The following DIO1 variants were observed in gnomAD, a reference collection of about 807,000 sequenced individuals.
DIO1 encodes type I iodothyronine deiodinase.
A neutral mutation model predicts 25.9 loss-of-function variants in DIO1; 17 were observed. That is an observed-to-expected ratio of 0.66 (90% CI 0.45 to 0.98). The LOEUF is 0.98. Among genes scored for constraint, DIO1 ranks in the 50% least tolerant of loss-of-function variants. The probability of loss-of-function intolerance (pLI) is 0.00; values close to 1 mark genes in which losing one functional copy is unlikely to be tolerated. For missense variants in DIO1, 270 were observed against 310.4 expected (o/e 0.87, Z 0.98); for synonymous variants, 115 against 114.0 (o/e 1.01, Z -0.05).
At chr1:53,906,818 T>C (rs550616763) in intron 3 of DIO1, among the ~76,000 whole-genome samples, 1 of 152,236 alleles carries the variant, frequency 6.6e-6, no homozygotes, top group South Asian at 2.1e-4. Context: ...CACGCCCAGC[T>C]AATTTTTGTA....
chr1:53,905,868 A>G (rs1651628322), intron 2 of DIO1, among the ~76,000 whole-genome samples: 1 of 152,192 alleles, frequency 6.6e-6, no homozygotes, highest in East Asian at 1.9e-4. Flanking sequence ...TTATTGGACT[A>G]TTTCACGTTG....
rs541559216 is a variant in DIO1 at position 53,909,990 on chromosome 1, C to T, written c.741C>T (p.Leu247=). Reference sequence around the variant, plus strand: ...AAGTTCGTGCTGTTCTGGAAAAGCTCCACAGTTAATCTGGACAGATACCTC... The same window carrying T: ...AAGTTCGTGCTGTTCTGGAAAAGCTTCACAGTTAATCTGGACAGATACCTC... ...PEEVRAVLEK[L]HS is the part of the protein sequence containing the mutation. Residue 247 remains leucine, a synonymous_variant, in exon 4 of 4, where the codon CTC becomes CTT. Transcript: ENST00000361921. 2 of 1,613,918 alleles carry T rather than the reference C, an allele frequency of 1.2e-6. No individual in the cohort carries two copies. The highest frequency in any genetic ancestry group is 1.7e-6 in the Non-Finnish European group (2 of 1,179,924).
At chr1:53,905,165 A>ATTTTTTTTTTTT (rs1194459720) in intron 2 of DIO1, among the ~76,000 whole-genome samples, 1 of 119,024 alleles carries the variant, frequency 8.4e-6, no homozygotes, top group African/African-American at 3.2e-5. Context: ...CCTTATGGCT[A>ATTTTTTTTTTTT]TTTTTTTTTT....
chr1:53,894,966 C>G lies in DIO1; in HGVS notation c.337+419C>G, dbSNP rs539662952. On this transcript the variant is annotated intron_variant, in intron 1 of 3. Coordinates refer to ENST00000361921, the MANE Select transcript of DIO1 (RefSeq NM_000792.7). The surrounding 1 kb of genome is among the most constrained non-coding windows in gnomAD (Gnocchi z 4.9). ...TGCCTGCTTAACATCCTAAACTTTT[C>G]TTTATTACACCTGTCGCGGTTTGTA... is the stretch of plus-strand genomic sequence containing the variant. Among the ~76,000 whole-genome samples, 40 of 152,250 alleles carry G rather than the reference C, an allele frequency of 2.6e-4. No homozygotes were observed. Among genetic ancestry groups the G allele is most frequent in the Non-Finnish European group, 5.3e-4 (36 of 68,050 alleles).
At chr1:53,895,248 C>A (rs1406535723) in intron 1 of DIO1, among the ~76,000 whole-genome samples, 5 of 152,168 alleles carry the variant, frequency 3.3e-5, no homozygotes, top group African/African-American at 1.2e-4. Flanking sequence ...CATGATGAAA[C>A]CCCGTCTCTA....
At chr1:53,896,048 C>T (rs762523316) in intron 1 of DIO1, among the ~76,000 whole-genome samples, 21 of 152,046 alleles carry the variant, frequency 1.4e-4, no homozygotes, top group Non-Finnish European at 2.1e-4. Flanking sequence ...TACCTAAGCA[C>T]AAGTCTTATT....
rs778856030 is a variant in DIO1 at position 53,910,205 on chromosome 1, AAGCAACACTTG to A, written c.*210_*220del. ...GACAAATTGTTATTATCAGAAAATG[AAGCAACACTTG>A]AGCTGTTCAGGCCAGTTCCCTGTTG... On this transcript the variant is annotated 3_prime_UTR_variant, in exon 4 of 4. Transcript: ENST00000361921. 65 of 578,024 alleles carry A rather than the reference AAGCAACACTTG, an allele frequency of 1.1e-4. No individual in the cohort carries two copies. Among genetic ancestry groups the A allele is most frequent in the Middle Eastern group, 4.7e-4 (1 of 2,120 alleles). 35.8% of individuals were successfully genotyped at this position (578,024 alleles called of 1,614,324 possible). A position where few individuals can be genotyped will look rare whatever the true frequency, so the allele number is the denominator to read the frequency against.
At chr1:53,896,755 TA>T (rs1239320100) in intron 1 of DIO1, among the ~76,000 whole-genome samples, 7 of 152,106 alleles carry the variant, frequency 4.6e-5, no homozygotes, top group Non-Finnish European at 7.4e-5. Flanking sequence ...GGGGAGGCTA[TA>T]AAAAAATAGA....
intron 3 of DIO1, among the ~76,000 whole-genome samples, chr1:53,908,770 C>T (rs954355958): frequency 1.2e-4 from 19 of 152,062 alleles, no homozygotes; most frequent in African/African-American, 3.9e-4. Flanking sequence ...GAGCCACTGA[C>T]GGGTTTGGAG....
At chr1:53,908,793 A>G (rs1651788892) in intron 3 of DIO1, among the ~76,000 whole-genome samples, 1 of 152,126 alleles carries the variant, frequency 6.6e-6, no homozygotes, top group South Asian at 2.1e-4. Context: ...GGAAAGAGAC[A>G]TGATCGGACC....
At position 53,894,318 on chromosome 1, in the gene DIO1, A is replaced by G. The variant is rs770520053; in HGVS notation, c.108A>G (p.Arg36=). Residue 36 remains arginine, a synonymous_variant, in exon 1 of 4, where the codon AGA becomes AGG. Coordinates refer to ENST00000361921, the MANE Select transcript of DIO1 (RefSeq NM_000792.7). This position sits in a 1 kb window ranked among gnomAD's most constrained non-coding sequence, Gnocchi z 4.9. ...GKVLLILFPD[R]VKRNILAMGE... ...TGCTTCTGATATTGTTTCCAGACAG[A>G]GTCAAGCGGAACATCCTGGCCATGG... 6.2e-7 allele frequency: 1 copy of G among 1,614,214 alleles called. No homozygotes were observed. Among genetic ancestry groups the G allele is most frequent in the Non-Finnish European group, 8.5e-7 (1 of 1,180,040 alleles).
intron 1 of DIO1, among the ~76,000 whole-genome samples, chr1:53,901,108 G>C (rs1651338877): frequency 1.3e-5 from 2 of 150,060 alleles, no homozygotes; most frequent in Non-Finnish European, 3.0e-5. Context: ...GGGATTACAG[G>C]TGTGAGCTAC....
Position 53,909,917 on chromosome 1 carries a change from C to G in DIO1, c.682-14C>G, listed in dbSNP as rs371472985. The G allele has an allele frequency of 6.2e-7, 1 of 1,613,758 alleles. No homozygotes were observed. The highest frequency in any genetic ancestry group is 1.3e-5 in the African/African-American group (1 of 75,036). On this transcript the variant is annotated splice_polypyrimidine_tract_variant and intron_variant, in intron 3 of 3. Coordinates refer to ENST00000361921, the MANE Select transcript of DIO1 (RefSeq NM_000792.7). ...CCTTACAAGTTGGGAATGCCTGATT[C>G]GTTTCTCTTGCAGGGTAAATCTGGC...
rs150738102 is a variant in DIO1, at chr1:53,894,471, G to C, written c.261G>C (p.Glu87Asp). 285 of 1,614,250 alleles carry C rather than the reference G, an allele frequency of 1.8e-4. 1 individual carries two copies. In the African/African-American group the frequency reaches 3.4e-3, roughly 19 times the overall value. Residue 87 changes from glutamate to aspartate, a missense_variant, in exon 1 of 4, where the codon GAG becomes GAC. By Grantham distance (45) the Glu-to-Asp change is conservative (BLOSUM62 2). Transcript: ENST00000361921. This position sits in a 1 kb window ranked among gnomAD's most constrained non-coding sequence, Gnocchi z 4.9. ...VRWQRLEDTT[E>D]LGGLAPNCPV... Reference sequence around the variant, plus strand: ...GGCAGCGACTAGAGGACACGACTGAGCTAGGGGGTCTGGCCCCAAACTGCC... The same window carrying C: ...GGCAGCGACTAGAGGACACGACTGACCTAGGGGGTCTGGCCCCAAACTGCC...
At chr1:53,903,185 C>T (rs1424768630) in intron 1 of DIO1, 1 of 152,060 alleles carries the variant, frequency 6.6e-6, no homozygotes, top group Non-Finnish European at 1.5e-5. Flanking sequence ...CTGTCCCCAT[C>T]CCGGGCTCGC....
intron 3 of DIO1, 109 bp downstream of exon 3, chr1:53,906,403 C>T: frequency 2.1e-6 from 2 of 944,494 alleles, no homozygotes; most frequent in Non-Finnish European, 3.2e-6. Context: ...CACCACCCAG[C>T]CACTTACCAG....
At chr1:53,903,828 G>A (rs910882843) in intron 1 of DIO1, among the ~76,000 whole-genome samples, 3 of 151,888 alleles carry the variant, frequency 2.0e-5, no homozygotes, top group African/African-American at 7.3e-5. Context: ...CAGCCTGGGT[G>A]AGACTCCATC....
intron 3 of DIO1, among the ~76,000 whole-genome samples, chr1:53,909,516 A>C (rs1651831745): frequency 6.6e-6 from 1 of 152,154 alleles, no homozygotes; most frequent in Admixed American, 6.5e-5. Context: ...GCAGCTGCCC[A>C]GGCTGTAGGA....
chr1:53,896,386 T>G (rs1651082500), intron 1 of DIO1, among the ~76,000 whole-genome samples: 1 of 151,916 alleles, frequency 6.6e-6, no homozygotes, highest in African/African-American at 2.4e-5. Context: ...CTCGGCTAAT[T>G]TTTGCATTTT....
Sources: allele counts gnomAD v4.1 joint callset (sites outside exome capture counted in the v4.1 genomes callset), GRCh38; gene constraint gnomAD v4.1.1; non-coding constraint Gnocchi (gnomAD v3.1); transcripts MANE v1.5; gene names NCBI Gene and HGNC (gene_info 2026-07-23, HGNC 2026-07-21).